Variants in DOCK8 observed in about 807,000 individuals in gnomAD.
The protein encoded by DOCK8 is dedicator of cytokinesis protein 8.
A neutral mutation model predicts 245.6 loss-of-function variants in DOCK8; 141 were observed. That is an observed-to-expected ratio of 0.57 (90% CI 0.50 to 0.66). DOCK8 has a LOEUF of 0.66. DOCK8 is among the 30% of genes least tolerant of loss of function. The pLI, the probability that DOCK8 is intolerant of heterozygous loss-of-function variation, is 0.00. For synonymous variants in DOCK8, 1,168 were observed against 970.2 expected, an observed-to-expected ratio of 1.20 and a Z score of -3.79; for missense variants, 2,965 against 2,603.4, an observed-to-expected ratio of 1.14 and a Z score of -3.02.
chr9:317,254 C>T (rs1273952619), intron 7 of DOCK8, 126 bp downstream of exon 7: 2 of 796,080 alleles, frequency 2.5e-6, no homozygotes, highest in Middle Eastern at 3.2e-4. Flanking sequence ...CAGTGGGCAG[C>T]TGTGGAGTAG....
At chr9:417,461 T>A (rs1469213851) in intron 29 of DOCK8, among the ~76,000 whole-genome samples, 3 of 152,196 alleles carry the variant, frequency 2.0e-5, no homozygotes, top group Admixed American at 6.5e-5. Context: ...CAGTTGTGAA[T>A]GTTTTACCAC....
chr9:376,924 T>C, intron 19 of DOCK8, 53 bp from the exon 20 acceptor site: 3 of 1,492,112 alleles, frequency 2.0e-6, no homozygotes, highest in Non-Finnish European at 2.8e-6. Context: ...GTGAATCCAC[T>C]GGTGAACATT....
chr9:271,694 A>G lies in DOCK8; in HGVS notation c.121A>G (p.Ser41Gly), dbSNP rs1326519555. The G allele has an allele frequency of 3.9e-6, 6 of 1,551,714 alleles. No homozygotes were observed. Among genetic ancestry groups the G allele is most frequent in the Non-Finnish European group, 5.2e-6 (6 of 1,146,886 alleles). ...PPNLGQYHRQ[S>G]ISTSGFPSLQ... ...AAACCTTGGCCAGTACCATCGACAG[A>G]GCATAAGTACCTCTGGCTTCCCCTC... The change falls in exon 2 of 48, where the codon AGC (serine) becomes GGC (glycine). Residue 41 changes from serine to glycine, a missense_variant. Transcript: ENST00000432829.
At chr9:359,407 A>G (rs1055497841) in intron 14 of DOCK8, among the ~76,000 whole-genome samples, 2 of 152,180 alleles carry the variant, frequency 1.3e-5, no homozygotes, top group Non-Finnish European at 2.9e-5. Flanking sequence ...TAATAGTAGT[A>G]CCTGTCATAG....
chr9:380,990 C>T (rs1040031950), intron 21 of DOCK8: 12 of 152,648 alleles, frequency 7.9e-5, no homozygotes, highest in African/African-American at 2.9e-4. Flanking sequence ...CCCAGCTACT[C>T]AGGAAGAAGC....
intron 19 of DOCK8, 26 bp from the exon 20 acceptor site, chr9:376,951 A>C: frequency 6.2e-7 from 1 of 1,603,498 alleles, no homozygotes; most frequent in Non-Finnish European, 8.5e-7. Context: ...ATAAAACCCC[A>C]TGAGGCCTGC....
In DOCK8 at chr9:434,897, C is replaced by G. The variant is rs35662752; in HGVS notation, c.5001C>G (p.His1667Gln). ...CYTEAAMCLV[H>Q]AAALVAEYLS... ...CGGAGGCTGCCATGTGCCTGGTGCA[C>G]GCCGCTGCGTTAGTGGCTGAGTATC... The change falls in exon 39 of 48, where the codon CAC becomes CAG. Residue 1667 changes from histidine to glutamine, a missense_variant. By Grantham distance (24) the His-to-Gln change is conservative. This residue lies in a region of DOCK8 where 2,825 missense variants were observed against 2,453.5 expected (regional missense o/e 1.15). Coordinates refer to ENST00000432829, the MANE Select transcript of DOCK8 (RefSeq NM_203447.4). The G allele has an allele frequency of 6.2e-7, 1 of 1,613,900 alleles. No individual in the cohort carries two copies. The highest frequency in any genetic ancestry group is 8.5e-7 in the Non-Finnish European group (1 of 1,180,050).
chr9:366,857 C>T (rs191306950), intron 14 of DOCK8, among the ~76,000 whole-genome samples: 81 of 152,176 alleles, frequency 5.3e-4, no homozygotes, highest in Admixed American at 5.2e-3. Context: ...ACTGTTAATA[C>T]CTAGAAAATT....
At chr9:333,215 A>G (rs1330939943) in intron 10 of DOCK8, among the ~76,000 whole-genome samples, 6 of 152,202 alleles carry the variant, frequency 3.9e-5, no homozygotes, top group Non-Finnish European at 7.3e-5. Flanking sequence ...ACCATGCATT[A>G]TATATATTCA....
intron 4 of DOCK8, among the ~76,000 whole-genome samples, chr9:297,760 G>T (rs991364313): frequency 6.6e-6 from 1 of 152,176 alleles, no homozygotes; most frequent in Admixed American, 6.5e-5. Flanking sequence ...CTGCTGTCAA[G>T]GAGCTTTGAG....
chr9:305,053 C>T (rs1241353315), intron 5 of DOCK8, among the ~76,000 whole-genome samples: 2 of 152,134 alleles, frequency 1.3e-5, no homozygotes, highest in Non-Finnish European at 2.9e-5. Flanking sequence ...GGCCAGAATA[C>T]CTGCATTCTC....
At chr9:287,592 A>G (rs2048873988) in intron 3 of DOCK8, among the ~76,000 whole-genome samples, 1 of 152,144 alleles carries the variant, frequency 6.6e-6, no homozygotes, top group Non-Finnish European at 1.5e-5. Context: ...ATGGGCTGGT[A>G]TTATTGTGAA....
rs917513647 is a variant in DOCK8 at position 429,996 on chromosome 9, A to G, written c.4626+142A>G. 12 of 996,396 alleles carry G rather than the reference A, an allele frequency of 1.2e-5. No individual in the cohort carries two copies. In the Middle Eastern group the frequency reaches 9.0e-4, roughly 75 times the overall value. The allele number at this position is 996,396 out of a possible 1,614,324, so 61.7% of individuals were successfully genotyped here. On this transcript the variant is annotated intron_variant, in intron 36 of 47. Transcript: ENST00000432829. ...GAGAAAGAAACAATTGAGTATGTAG[A>G]TAGATAGCAGCTTCCATTTTAATTT...
At chr9:291,323 G>A (rs1008984135) in intron 4 of DOCK8, among the ~76,000 whole-genome samples, 5 of 152,066 alleles carry the variant, frequency 3.3e-5, no homozygotes, top group South Asian at 2.1e-4. Context: ...TGGAATACTC[G>A]TTGAAATTTT....
chr9:259,721 GTTC>G (rs1442952997), intron 1 of DOCK8, among the ~76,000 whole-genome samples: 3 of 152,184 alleles, frequency 2.0e-5, no homozygotes, highest in South Asian at 2.1e-4. Context: ...TAATCAGTAA[GTTC>G]TTCTTAATGG....
intron 33 of DOCK8, among the ~76,000 whole-genome samples, chr9:426,318 G>A (rs1352929427): frequency 6.6e-6 from 1 of 152,120 alleles, no homozygotes; most frequent in African/African-American, 2.4e-5. Flanking sequence ...TTTCCCAATG[G>A]AAAAGGACGA....
chr9:259,153 A>C (rs2047855712), intron 1 of DOCK8, among the ~76,000 whole-genome samples: 1 of 152,024 alleles, frequency 6.6e-6, no homozygotes, highest in East Asian at 1.9e-4. Flanking sequence ...ATAAAATTAA[A>C]AATTAGGTAT....
At chr9:453,484 T>C (rs1220562462) in intron 46 of DOCK8, among the ~76,000 whole-genome samples, 2 of 152,190 alleles carry the variant, frequency 1.3e-5, no homozygotes. Context: ...TGGAGTACAG[T>C]GGCATAATCT....
At chr9:352,510 G>A (rs190993480) in intron 14 of DOCK8, among the ~76,000 whole-genome samples, 111 of 152,152 alleles carry the variant, frequency 7.3e-4, no homozygotes, top group Middle Eastern at 6.8e-3. Context: ...TTGGGAGGCC[G>A]AGGCGGGTGG....
Sources: allele counts gnomAD v4.1 joint callset (sites outside exome capture counted in the v4.1 genomes callset), GRCh38; gene constraint gnomAD v4.1.1; regional missense constraint gnomAD v4.1.1; transcripts MANE v1.5; gene names NCBI Gene and HGNC (gene_info 2026-07-23, HGNC 2026-07-21).